Variants in INPP5B observed in about 807,000 individuals in gnomAD.
INPP5B encodes inositol polyphosphate-5-phosphatase B, also known as type II inositol 1,4,5-trisphosphate 5-phosphatase.
Under a neutral mutation model 118.5 loss-of-function variants are expected in INPP5B, and 90 were observed. The ratio of observed to expected loss-of-function variants is 0.76; its 90% CI spans 0.64 to 0.90. The LOEUF (loss-of-function observed/expected upper bound fraction) is 0.90. Ranked by LOEUF, INPP5B falls within the 40% of genes least tolerant of loss-of-function variation. The pLI is 0.00. For missense variants in INPP5B, 984 were observed against 1,125.6 expected (o/e 0.87, Z 1.80); for synonymous variants, 385 against 418.9 (o/e 0.92, Z 0.99).
Position 37,861,367 on chromosome 1 carries a change from G to A in INPP5B, c.*948C>T, listed in dbSNP as rs1641683941. ...GACTTTCCATCAAATATCTGATCAT[G>A]GGGATCTCAGCCCAGACTGACTATG... On this transcript the variant is annotated 3_prime_UTR_variant, in exon 24 of 24. Coordinates refer to ENST00000373024, the MANE Select transcript of INPP5B (RefSeq NM_005540.3). 6.6e-6 allele frequency: 1 copy of A among 152,196 alleles called. No individual in the cohort carries two copies. Among genetic ancestry groups the A allele is most frequent in the African/African-American group, 2.4e-5 (1 of 41,430 alleles). 9.4% of individuals were successfully genotyped at this position (152,196 alleles called of 1,614,324 possible). A position where few individuals can be genotyped will look rare whatever the true frequency, so the allele number is the denominator to read the frequency against.
At position 37,943,639 on chromosome 1, in the gene INPP5B, C is replaced by T. The variant is rs1205864983; in HGVS notation, c.280+1G>A. The T allele has an allele frequency of 2.5e-6, 4 of 1,613,960 alleles. No individual in the cohort carries two copies. Among genetic ancestry groups the T allele is most frequent in the Non-Finnish European group, 3.4e-6 (4 of 1,179,940 alleles). Reference sequence around the variant, plus strand: ...GGACCCAGACCAAGAGGACCACTCACCAAGGATGTAGAGTTCACCATCTGG... The same window carrying T: ...GGACCCAGACCAAGAGGACCACTCATCAAGGATGTAGAGTTCACCATCTGG... On this transcript the variant is annotated splice_donor_variant, in intron 5 of 23. Transcript: ENST00000373024. LOFTEE classifies it high-confidence loss of function.
Position 37,901,274 on chromosome 1 carries a change from C to T in INPP5B, c.533-9820G>A, listed in dbSNP as rs1012988647. 6.6e-5 allele frequency among the ~76,000 whole-genome samples: 10 copies of T among 152,290 alleles called. No homozygotes were observed. The East Asian group carries it at 9.6e-4, about 15-fold the overall frequency. On this transcript the variant is annotated intron_variant, in intron 7 of 23. Transcript: ENST00000373024. Reference sequence around the variant, plus strand: ...CAAAGTATCAGGAAATGTCAGCTGACGTCCAGCTCTACTACTATCTTCCTG... The same window carrying T: ...CAAAGTATCAGGAAATGTCAGCTGATGTCCAGCTCTACTACTATCTTCCTG...
intron 6 of INPP5B, among the ~76,000 whole-genome samples, chr1:37,935,906 A>G (rs1570389073): frequency 1.3e-5 from 2 of 152,028 alleles, no homozygotes; most frequent in African/African-American, 4.8e-5. Context: ...CTCTATTAAA[A>G]ATACAAAAAA....
intron 7 of INPP5B, among the ~76,000 whole-genome samples, chr1:37,920,978 C>T (rs1242201301): frequency 6.6e-6 from 1 of 152,002 alleles, no homozygotes; most frequent in African/African-American, 2.4e-5. Flanking sequence ...TGGTGGCGGG[C>T]GCCTGTAGTC....
In INPP5B at chr1:37,943,858, G is replaced by C. The variant is rs777352122; in HGVS notation, c.188C>G (p.Thr63Ser). The change falls in exon 4 of 24, where the codon ACC becomes AGC. Residue 63 changes from threonine to serine, a missense_variant. Transcript: ENST00000373024. ...FLYTHRRMAI[T>S]GDDVSLDQIV... The stretch of plus-strand genomic sequence containing the variant: ...CTGGTCCAGAGAGACATCGTCCCCG[G>C]TAATGGCCATCCTCCGGTGCGTATA... 1 of 1,614,086 alleles carries C rather than the reference G, an allele frequency of 6.2e-7. No homozygotes were observed. Among genetic ancestry groups the C allele is most frequent in the Admixed American group, 1.7e-5 (1 of 60,000 alleles).
In INPP5B at chr1:37,868,599, A is replaced by T. The variant is rs757765937; in HGVS notation, c.2203T>A (p.Trp735Arg). The change falls in exon 20 of 24, where the codon TGG (tryptophan) becomes AGG (arginine). Residue 735 changes from tryptophan to arginine, a missense_variant. By Grantham distance (101) the Trp-to-Arg change is moderately radical. Coordinates refer to ENST00000373024, the MANE Select transcript of INPP5B (RefSeq NM_005540.3). ...AACTGGCTCCCATCATCTCCAGTCC[A>T]TACTGGCATCAGAGTCTGGAAAGCA... ...TISELTLMPVWTGDDGSQLDS... is the reference protein window; with the variant it reads ...TISELTLMPVRTGDDGSQLDS... 5.6e-6 allele frequency: 9 copies of T among 1,609,382 alleles called. No homozygotes were observed. Among genetic ancestry groups the T allele is most frequent in the African/African-American group, 4.0e-5 (3 of 74,954 alleles).
chr1:37,884,183 T>C (rs1643375733), intron 13 of INPP5B: 1 of 152,174 alleles, frequency 6.6e-6, no homozygotes, highest in Non-Finnish European at 1.5e-5. Context: ...TTCTTCATAA[T>C]GTTGGAGGTA....
intron 6 of INPP5B, among the ~76,000 whole-genome samples, chr1:37,937,876 G>A (rs1335057286): frequency 2.0e-5 from 3 of 151,612 alleles, no homozygotes; most frequent in Non-Finnish European, 4.4e-5. Flanking sequence ...GCTGAAGCAG[G>A]AGAATCGCTT....
chr1:37,913,398 C>T (rs906987851), intron 7 of INPP5B, among the ~76,000 whole-genome samples: 25 of 152,126 alleles, frequency 1.6e-4, no homozygotes, highest in Admixed American at 3.3e-4. Flanking sequence ...CAAATAATTA[C>T]GCTGAACCCC....
chr1:37,887,952 T>C, intron 10 of INPP5B, among the ~76,000 whole-genome samples: 1 of 152,204 alleles, frequency 6.6e-6, no homozygotes, highest in Middle Eastern at 3.2e-3. Flanking sequence ...CAAAAATGTA[T>C]TGAATGTCCA....
chr1:37,912,021 T>C (rs923342496), intron 7 of INPP5B, among the ~76,000 whole-genome samples: 2 of 152,198 alleles, frequency 1.3e-5, no homozygotes, highest in African/African-American at 4.8e-5. Flanking sequence ...CGCACTTTCT[T>C]GCTCAGCCCT....
chr1:37,927,305 A>G (rs1645266697), intron 7 of INPP5B, among the ~76,000 whole-genome samples: 1 of 152,076 alleles, frequency 6.6e-6, no homozygotes, highest in African/African-American at 2.4e-5. Context: ...AAAAAAAAAA[A>G]GGAGCAGTTA....
At position 37,862,001 on chromosome 1, in the gene INPP5B, A is replaced by G. The variant is rs61066412; in HGVS notation, c.*314T>C. The G allele has an allele frequency of 1.5e-4, 32 of 217,236 alleles. No individual in the cohort carries two copies. The highest frequency in any genetic ancestry group is 6.8e-4 in the African/African-American group (29 of 42,948). The allele number at this position is 217,236 out of a possible 1,614,324, so 13.5% of individuals were successfully genotyped here. A position where few individuals can be genotyped will look rare whatever the true frequency, so the allele number is the denominator to read the frequency against. On this transcript the variant is annotated 3_prime_UTR_variant, in exon 24 of 24. Coordinates refer to ENST00000373024, the MANE Select transcript of INPP5B (RefSeq NM_005540.3). ...CAGTGAGCCGAGATCGTGCCACCGC[A>G]CTCCACCCTGCGCGACAGAGCAAAA...
rs1415021372 is a variant in INPP5B, at chr1:37,891,404, C to A, written c.583G>T (p.Asp195Tyr). The change falls in exon 8 of 24, where the codon GAC becomes TAC. Residue 195 changes from aspartate to tyrosine, a missense_variant. By Grantham distance (160) the Asp-to-Tyr change is radical (BLOSUM62 -3). Coordinates refer to ENST00000373024, the MANE Select transcript of INPP5B (RefSeq NM_005540.3). ...LRPNGKGVPM[D>Y]QSSRGQDKPE... ...TTATCTTGACCCCTGGAGCTTTGGT[C>A]CATAGGCACTCCCTTCCCATTTGGT... 6 of 1,614,010 alleles carry A rather than the reference C, an allele frequency of 3.7e-6. No individual in the cohort carries two copies. The highest frequency in any genetic ancestry group is 5.1e-6 in the Non-Finnish European group (6 of 1,179,944).
intron 7 of INPP5B, among the ~76,000 whole-genome samples, chr1:37,896,220 G>A (rs1304861023): frequency 1.3e-5 from 2 of 150,088 alleles, no homozygotes; most frequent in Non-Finnish European, 3.0e-5. Context: ...TGAGAAGTGA[G>A]GAGACCCTCT....
chr1:37,866,961 T>G (rs566526567), intron 20 of INPP5B, among the ~76,000 whole-genome samples: 4 of 152,258 alleles, frequency 2.6e-5, no homozygotes, highest in Non-Finnish European at 5.9e-5. Context: ...CCATCAGGCG[T>G]GTTGGCTTAT....
At chr1:37,909,000 G>A (rs530274544) in intron 7 of INPP5B, among the ~76,000 whole-genome samples, 20 of 152,142 alleles carry the variant, frequency 1.3e-4, no homozygotes, top group East Asian at 3.9e-4. Flanking sequence ...AAACCTAAGC[G>A]TCTTATTTTC....
intron 8 of INPP5B, 106 bp from the exon 9 acceptor site, chr1:37,889,830 A>G (rs996004378): frequency 2.6e-6 from 2 of 770,184 alleles, no homozygotes; most frequent in South Asian, 4.4e-5. Flanking sequence ...GTCACAGAAG[A>G]CTAAAGGAGG....
chr1:37,866,618 C>A, intron 20 of INPP5B, 75 bp from the exon 21 acceptor site: 1 of 876,890 alleles, frequency 1.1e-6, no homozygotes, highest in Non-Finnish European at 1.9e-6. Flanking sequence ...CTGGCAATAT[C>A]AATAGCAGAA....
Sources: allele counts gnomAD v4.1 joint callset (sites outside exome capture counted in the v4.1 genomes callset), GRCh38; gene constraint gnomAD v4.1.1; transcripts MANE v1.5; gene names NCBI Gene and HGNC (gene_info 2026-07-23, HGNC 2026-07-21).